RNF6: variants seen among roughly 807,000 people sequenced by gnomAD.
RNF6 encodes E3 ubiquitin-protein ligase RNF6.
Under a neutral mutation model 50.1 loss-of-function variants are expected in RNF6, and 21 were observed. The observed-to-expected ratio is 0.42, with a 90% CI of 0.30 to 0.60. The LOEUF is 0.60. Among genes scored for constraint, RNF6 ranks in the 20% least tolerant of loss-of-function variants. The pLI, the probability that RNF6 is intolerant of heterozygous loss-of-function variation, is 0.20. For missense variants in RNF6, 698 were observed against 838.2 expected, an observed-to-expected ratio of 0.83 and a Z score of 2.07; for synonymous variants, 255 against 291.8, an observed-to-expected ratio of 0.87 and a Z score of 1.29.
intron 5 of RNF6, among the ~76,000 whole-genome samples, chr13:26,150,115 A>C (rs1414384464): frequency 6.6e-6 from 1 of 150,646 alleles, no homozygotes; most frequent in Non-Finnish European, 1.5e-5. Context: ...TGTCTGGTAC[A>C]TAGTAAGTAT....
chr13:26,167,678 G>C (rs998577755), intron 5 of RNF6, among the ~76,000 whole-genome samples: 2 of 152,174 alleles, frequency 1.3e-5, no homozygotes, highest in Non-Finnish European at 2.9e-5. Flanking sequence ...ACTACTATTT[G>C]ACCCAGCGAT....
At chr13:26,189,536 A>G (rs1223904467) in intron 5 of RNF6, among the ~76,000 whole-genome samples, 1 of 152,198 alleles carries the variant, frequency 6.6e-6, no homozygotes, top group Admixed American at 6.5e-5. Context: ...CAGAAGGGAA[A>G]CTATTCTCAT....
At chr13:26,151,002 C>G (rs948736974) in intron 5 of RNF6, 1 of 152,120 alleles carries the variant, frequency 6.6e-6, no homozygotes, top group African/African-American at 2.4e-5. Flanking sequence ...AGTCACACTA[C>G]TAGTGACATG....
At position 26,216,690 on chromosome 13, in the gene RNF6, C is replaced by T. The variant is rs543285248; in HGVS notation, c.290-1098G>A. On this transcript the variant is annotated intron_variant, in intron 4 of 4. Coordinates refer to ENST00000381588, the MANE Select transcript of RNF6 (RefSeq NM_005977.4). Reference sequence around the variant, plus strand: ...CTATTATAGGCCGGGCGCGGTGGCTCACACCTGTAATCCCAGCACTTTGGG... The same window carrying T: ...CTATTATAGGCCGGGCGCGGTGGCTTACACCTGTAATCCCAGCACTTTGGG... Among the ~76,000 whole-genome samples, 9 of 152,268 alleles carry T rather than the reference C, an allele frequency of 5.9e-5. No individual in the cohort carries two copies. The East Asian group carries it at 9.6e-4, about 16-fold the overall frequency.
chr13:26,188,791 G>A (rs1218181817), intron 5 of RNF6, among the ~76,000 whole-genome samples: 3 of 151,570 alleles, frequency 2.0e-5, no homozygotes, highest in African/African-American at 7.3e-5. Flanking sequence ...CACCATGCCC[G>A]GTTAATTTTT....
Position 26,214,228 on chromosome 13 carries a change from C to T in RNF6, c.1654G>A (p.Glu552Lys). 1 of 1,614,206 alleles carries T rather than the reference C, an allele frequency of 6.2e-7. No homozygotes were observed. The highest frequency in any genetic ancestry group is 8.5e-7 in the Non-Finnish European group (1 of 1,180,040). ...AQGDSTEMHG[E>K]NETTQPHTRN... ...GTATGAGGCTGGGTGGTCTCGTTTT[C>T]ACCATGCATTTCAGTGCTGTCTCCT... Residue 552 changes from glutamate to lysine, a missense_variant, in exon 5 of 5, where the codon GAA becomes AAA. Transcript: ENST00000381588.
chr13:26,218,357 A>G (rs1263473222), intron 4 of RNF6, among the ~76,000 whole-genome samples, 154 bp downstream of exon 4: 3 of 152,198 alleles, frequency 2.0e-5, no homozygotes, highest in Non-Finnish European at 4.4e-5. Context: ...CTGCTTAACC[A>G]TACTGCTTTA....
chr13:26,168,871 C>T (rs1437779143), intron 5 of RNF6, among the ~76,000 whole-genome samples: 1 of 152,160 alleles, frequency 6.6e-6, no homozygotes, highest in Non-Finnish European at 1.5e-5. Context: ...GCACGGTGGC[C>T]GCACAGCTGT....
At position 26,185,831 on chromosome 13, in the gene RNF6, T is replaced by A. The variant is rs116308434; in HGVS notation, n.768+29643A>T. 7.5e-3 allele frequency among the ~76,000 whole-genome samples: 1,137 copies of A among 152,320 alleles called. 20 individuals are homozygous for A. Among genetic ancestry groups the A allele is most frequent in the African/African-American group, 0.025 (1,036 of 41,566 alleles). ...TAAACTTGTGTTCTCTACGCCTAAC[T>A]ACGAACCTTGTGCCTTTCCAAAACC... On this transcript the variant is annotated intron_variant and non_coding_transcript_variant, in intron 5 of 5. Transcript: ENST00000468480.
chr13:26,181,360 G>A (rs1200850278), intron 5 of RNF6, among the ~76,000 whole-genome samples: 1 of 152,202 alleles, frequency 6.6e-6, no homozygotes, highest in Non-Finnish European at 1.5e-5. Flanking sequence ...GGCCGATCAG[G>A]CGTCTGTCTT....
chr13:26,137,168 C>T (rs758813926), intron 5 of RNF6, among the ~76,000 whole-genome samples: 2 of 152,132 alleles, frequency 1.3e-5, no homozygotes, highest in East Asian at 1.9e-4. Context: ...CTCACTAAAG[C>T]TTACCCAGTG....
intron 5 of RNF6, among the ~76,000 whole-genome samples, chr13:26,161,398 A>T (rs765730869): frequency 6.6e-6 from 1 of 152,206 alleles, no homozygotes; most frequent in Admixed American, 6.5e-5. Flanking sequence ...TATGAACTGT[A>T]TGAATGGTTT....
At chr13:26,218,828 G>A (rs1464809681) in intron 3 of RNF6, among the ~76,000 whole-genome samples, 1 of 152,114 alleles carries the variant, frequency 6.6e-6, no homozygotes, top group Non-Finnish European at 1.5e-5. Flanking sequence ...ATTAAAATAA[G>A]ATTTAATTTG....
At chr13:26,216,207 A>G (rs1215745439) in intron 4 of RNF6, among the ~76,000 whole-genome samples, 1 of 152,218 alleles carries the variant, frequency 6.6e-6, no homozygotes, top group Admixed American at 6.5e-5. Flanking sequence ...TCTATGGCTG[A>G]TCCTTGTCTA....
At chr13:26,220,858 A>T (rs1468393007) in intron 2 of RNF6, among the ~76,000 whole-genome samples, 1 of 152,244 alleles carries the variant, frequency 6.6e-6, no homozygotes, top group East Asian at 1.9e-4. Context: ...AAGCTGCTTT[A>T]AATATAAGGT....
intron 5 of RNF6, among the ~76,000 whole-genome samples, chr13:26,149,902 ACAGTGTATATATAAT>A (rs1871472698): frequency 1.0e-5 from 1 of 100,134 alleles, no homozygotes; most frequent in Non-Finnish European, 2.0e-5. Context: ...ATACACACAC[ACAGTGTATATATAAT>A]GTGTATATAT....
Position 26,215,369 on chromosome 13 carries a change from G to A in RNF6, c.513C>T (p.Asp171=). The change falls in exon 5 of 5, where the codon GAC becomes GAT. Residue 171 remains aspartate (D), a synonymous_variant. Transcript: ENST00000381588. ...GFEIHGEDYT[D]IPLSDSNRDH... ...CTCTGTTACTATCTGAAAGTGGAAT[G>A]TCTGTATAATCTTCTCCATGAATTT... The A allele has an allele frequency of 1.9e-6, 3 of 1,614,164 alleles. No homozygotes were observed. The highest frequency in any genetic ancestry group is 2.5e-6 in the Non-Finnish European group (3 of 1,180,016).
chr13:26,157,070 G>A (rs1315878708), intron 5 of RNF6, among the ~76,000 whole-genome samples: 1 of 152,144 alleles, frequency 6.6e-6, no homozygotes, highest in Non-Finnish European at 1.5e-5. Flanking sequence ...GCAGTGCTGG[G>A]GAAACGGGGA....
chr13:26,217,690 G>A (rs572417774), intron 4 of RNF6, among the ~76,000 whole-genome samples: 1 of 152,302 alleles, frequency 6.6e-6, no homozygotes, highest in South Asian at 2.1e-4. Context: ...AGCCAAATGT[G>A]ACTATTAAGC....
Sources: allele counts gnomAD v4.1 joint callset (sites outside exome capture counted in the v4.1 genomes callset), GRCh38; gene constraint gnomAD v4.1.1; transcripts MANE v1.5; gene names NCBI Gene and HGNC (gene_info 2026-07-23, HGNC 2026-07-21).